The following MATCAP2 variants were observed in gnomAD, a reference collection of about 807,000 sequenced individuals.
The protein encoded by MATCAP2 is microtubule associated tyrosine carboxypeptidase 2.
the MATCAP2 span, among the ~76,000 whole-genome samples, chr7:36,341,414 C>T: frequency 6.6e-6 from 1 of 152,178 alleles, no homozygotes; most frequent in African/African-American, 2.4e-5. Flanking sequence ...AGGTAGACTC[C>T]TGATTGTAAT....
chr7:36,383,094 ACATCTT>A, the MATCAP2 span, among the ~76,000 whole-genome samples: 1 of 152,216 alleles, frequency 6.6e-6, no homozygotes, highest in Non-Finnish European at 1.5e-5. Flanking sequence ...GGAATCTGAA[ACATCTT>A]CATCAATTAA....
the MATCAP2 span, among the ~76,000 whole-genome samples, chr7:36,366,280 A>C: frequency 6.6e-6 from 1 of 152,212 alleles, no homozygotes; most frequent in Non-Finnish European, 1.5e-5. Flanking sequence ...AATAGCTAAC[A>C]CGCATAGCGA....
chr7:36,385,793 A>AAAATAAAATAAAAT, the MATCAP2 span, among the ~76,000 whole-genome samples: 3 of 72,734 alleles, frequency 4.1e-5, no homozygotes, highest in Non-Finnish European at 8.4e-5. Flanking sequence ...TTCAAAAAAT[A>AAAATAAAATAAAAT]AAATAAAATA....
the MATCAP2 span, among the ~76,000 whole-genome samples, chr7:36,327,467 T>C: frequency 1.3e-5 from 2 of 152,186 alleles, no homozygotes; most frequent in African/African-American, 4.8e-5. Flanking sequence ...AAATTTGATT[T>C]AATACTCTAC....
the MATCAP2 span, among the ~76,000 whole-genome samples, chr7:36,348,161 A>G: frequency 5.3e-5 from 8 of 152,184 alleles, no homozygotes; most frequent in Non-Finnish European, 8.8e-5. Flanking sequence ...ATATACATAC[A>G]TATACATATT....
the MATCAP2 span, among the ~76,000 whole-genome samples, chr7:36,346,129 A>T: frequency 6.6e-6 from 1 of 151,396 alleles, no homozygotes; most frequent in Admixed American, 6.6e-5. Context: ...TGTCTATAGG[A>T]AAAAAAAAGG....
chr7:36,333,783 G>C, the MATCAP2 span: 2 of 1,238,808 alleles, frequency 1.6e-6, no homozygotes, highest in African/African-American at 3.0e-5. Flanking sequence ...TGTGATTCAG[G>C]GATTAGGATA....
the MATCAP2 span, chr7:36,327,040 T>A: frequency 1.2e-6 from 1 of 823,986 alleles, no homozygotes; most frequent in African/African-American, 1.7e-5. Context: ...TTTTAATAGC[T>A]GCAAAGTAAC....
At chr7:36,390,219 C>T in the MATCAP2 span, 30 of 1,006,202 alleles carry the variant, frequency 3.0e-5, no homozygotes, top group Non-Finnish European at 4.3e-5. Flanking sequence ...TTGGTGGGTT[C>T]CTCTGAGATT....
chr7:36,328,242 G>GT, the MATCAP2 span, among the ~76,000 whole-genome samples: 121 of 101,552 alleles, frequency 1.2e-3, 10 homozygotes, highest in African/African-American at 3.5e-3. Context: ...GTTTTTGTAG[G>GT]GGGGGGGGGT....
the MATCAP2 span, among the ~76,000 whole-genome samples, chr7:36,389,384 G>A: frequency 5.2e-3 from 779 of 150,868 alleles, 7 homozygotes; most frequent in African/African-American, 0.018. Flanking sequence ...CTTTTTTGAG[G>A]CAGGGTCTCA....
chr7:36,380,842 G>A, the MATCAP2 span, among the ~76,000 whole-genome samples: 1 of 152,220 alleles, frequency 6.6e-6, no homozygotes, highest in African/African-American at 2.4e-5. Flanking sequence ...CGAGTCTCCT[G>A]CCTTAGCCTC....
the MATCAP2 span, chr7:36,334,972 C>A: frequency 7.2e-7 from 1 of 1,396,844 alleles, no homozygotes; most frequent in Non-Finnish European, 9.7e-7. Context: ...AAGAAAAAAC[C>A]CCTTCTAAAA....
At chr7:36,349,041 G>A in the MATCAP2 span, among the ~76,000 whole-genome samples, 5 of 152,240 alleles carry the variant, frequency 3.3e-5, no homozygotes, top group African/African-American at 1.2e-4. Context: ...GATGGTAACA[G>A]TGGATAAATG....
chr7:36,363,574 T>A, the MATCAP2 span, among the ~76,000 whole-genome samples: 20 of 152,360 alleles, frequency 1.3e-4, no homozygotes, highest in African/African-American at 4.6e-4. Flanking sequence ...AATCTTGATG[T>A]TGGATTTTGT....
At chr7:36,363,698 C>G in the MATCAP2 span, among the ~76,000 whole-genome samples, 2 of 152,280 alleles carry the variant, frequency 1.3e-5, no homozygotes, top group African/African-American at 4.8e-5. Context: ...TTATTAATAG[C>G]TATTACCCTG....
chr7:36,326,900 C>A, the MATCAP2 span: 1 of 1,607,982 alleles, frequency 6.2e-7, no homozygotes, highest in Non-Finnish European at 8.5e-7. Context: ...TTTAAGCGAT[C>A]CACATCTTCA....
the MATCAP2 span, chr7:36,366,631 T>C: frequency 2.0e-6 from 3 of 1,494,778 alleles, no homozygotes; most frequent in African/African-American, 4.2e-5. Context: ...AATCTTTGGA[T>C]TGTACCTTTG....
At chr7:36,337,259 A>G in the MATCAP2 span, among the ~76,000 whole-genome samples, 1 of 152,072 alleles carries the variant, frequency 6.6e-6, no homozygotes, top group Non-Finnish European at 1.5e-5. Context: ...TTCTTCATAA[A>G]TTTTTGCAGC....
Sources: allele counts gnomAD v4.1 joint callset (sites outside exome capture counted in the v4.1 genomes callset), GRCh38; gene constraint gnomAD v4.1.1; transcripts MANE v1.5; gene names NCBI Gene and HGNC (gene_info 2026-07-23, HGNC 2026-07-21).